The following SORBS2 variants were observed in gnomAD, a reference collection of about 807,000 sequenced individuals.
SORBS2 encodes sorbin and SH3 domain containing 2.
SORBS2 carries 46 observed loss-of-function variants against 97.7 expected under a neutral mutation model. That is an observed-to-expected ratio of 0.47 (90% CI 0.37 to 0.60). SORBS2 has a LOEUF of 0.60. SORBS2 is among the 20% of genes least tolerant of loss of function. The probability of loss-of-function intolerance (pLI) is 0.00; values close to 1 mark genes in which losing one functional copy is unlikely to be tolerated. For missense variants in SORBS2, 1,316 were observed against 1,282.3 expected, an observed-to-expected ratio of 1.03 and a Z score of -0.40; for synonymous variants, 476 against 473.4, an observed-to-expected ratio of 1.01 and a Z score of -0.07.
intron 2 of SORBS2, among the ~76,000 whole-genome samples, chr4:185,685,421 C>T (rs1245982224): frequency 6.6e-6 from 1 of 152,132 alleles, no homozygotes; most frequent in African/African-American, 2.4e-5. Context: ...GTCCACTCTT[C>T]CTGTAGTTAG....
upstream of SORBS2, among the ~76,000 whole-genome samples, chr4:185,661,293 TA>T (rs2097515960): frequency 6.9e-6 from 1 of 145,858 alleles, no homozygotes; most frequent in East Asian, 2.1e-4. Flanking sequence ...AAAAAAAAAG[TA>T]TTTATCACAT....
At chr4:185,851,248 G>A (rs550316850) in intron 1 of SORBS2, among the ~76,000 whole-genome samples, 5 of 151,994 alleles carry the variant, frequency 3.3e-5, no homozygotes, top group East Asian at 3.9e-4. Context: ...TGTTAAACTC[G>A]GAAAACCTGT....
intron 1 of SORBS2, among the ~76,000 whole-genome samples, chr4:185,807,852 A>C (rs570063874): frequency 7.2e-5 from 11 of 152,352 alleles, no homozygotes; most frequent in Non-Finnish European, 1.5e-4. Context: ...TATCTAATGC[A>C]ATCATATATC....
chr4:185,898,754 CT>C (rs1324059454), intron 1 of SORBS2, among the ~76,000 whole-genome samples: 2 of 152,130 alleles, frequency 1.3e-5, no homozygotes, highest in Non-Finnish European at 2.9e-5. Flanking sequence ...ATACCCAAAT[CT>C]TTAGAAAAAG....
At chr4:185,645,491 T>G (rs1243391910) in intron 4 of SORBS2, 1 of 152,150 alleles carries the variant, frequency 6.6e-6, no homozygotes, top group African/African-American at 2.4e-5. Context: ...ACAAATATCA[T>G]GTATGAATTA....
In SORBS2 at chr4:185,684,854, CA is replaced by C. The variant is rs764915941; in HGVS notation, c.-197-6033del. 2 of 1,548,826 alleles carry C rather than the reference CA, an allele frequency of 1.3e-6. No homozygotes were observed. Among genetic ancestry groups the C allele is most frequent in the Non-Finnish European group, 1.7e-6 (2 of 1,145,738 alleles). ...GAGCACACCCACCGCTATCTGGAAG[CA>C]AAAAAATGATATAGCAGAGGCCAAG... On this transcript the variant is annotated intron_variant, in intron 2 of 20. Coordinates refer to the SORBS2 transcript ENST00000284776. This position sits in a 1 kb window ranked among gnomAD's most constrained non-coding sequence, Gnocchi z 4.2.
At chr4:185,723,194 G>A (rs1248635818) in intron 2 of SORBS2, among the ~76,000 whole-genome samples, 2 of 151,898 alleles carry the variant, frequency 1.3e-5, no homozygotes, top group Non-Finnish European at 1.5e-5. Context: ...ATCGTATTTG[G>A]GGCACAACTC....
chr4:185,859,577 C>G (rs934912614), intron 1 of SORBS2, among the ~76,000 whole-genome samples: 9 of 152,178 alleles, frequency 5.9e-5, no homozygotes, highest in Admixed American at 3.3e-4. Context: ...TGACCACTCT[C>G]TCTTGTTTGG....
rs187749591 is a variant in SORBS2 at position 185,706,071 on chromosome 4, T to C, written c.-197-27249A>G. The stretch of plus-strand genomic sequence containing the variant: ...GATGATTTTGTTTGAGTCTGAAGTG[T>C]ATTTTAAGAAGTTATTTAGGTTTCC... On this transcript the variant is annotated intron_variant, in intron 2 of 20. Transcript: ENST00000284776. 3.5e-3 allele frequency among the ~76,000 whole-genome samples: 527 copies of C among 152,308 alleles called. 1 individual carries two copies. Among genetic ancestry groups the C allele is most frequent in the Non-Finnish European group, 5.3e-3 (362 of 68,016 alleles).
intron 1 of SORBS2, among the ~76,000 whole-genome samples, chr4:185,871,765 C>T (rs927482653): frequency 3.9e-5 from 6 of 152,170 alleles, no homozygotes; most frequent in African/African-American, 1.4e-4. Context: ...GGAAATACAC[C>T]TGTTCCCTAA....
At chr4:185,598,021 ACTAT>A (rs2096155939) in intron 12 of SORBS2, among the ~76,000 whole-genome samples, 1 of 152,096 alleles carries the variant, frequency 6.6e-6, no homozygotes, top group Non-Finnish European at 1.5e-5. Context: ...TTCTATTTTG[ACTAT>A]CTGTGCAGGC....
intron 1 of SORBS2, among the ~76,000 whole-genome samples, chr4:185,795,798 C>T (rs1479980092): frequency 5.3e-5 from 8 of 152,166 alleles, no homozygotes; most frequent in African/African-American, 1.2e-4. Flanking sequence ...AAGTGTTCCA[C>T]CTATATCTCC....
intron 2 of SORBS2, among the ~76,000 whole-genome samples, chr4:185,687,419 A>G (rs1217987980): frequency 6.6e-6 from 1 of 152,256 alleles, no homozygotes; most frequent in East Asian, 1.9e-4. Flanking sequence ...CAACAGGCAC[A>G]CACATAATAT....
In SORBS2 at chr4:185,607,425, G is replaced by A. The variant is rs1001805041; in HGVS notation, c.2796+4355C>T. ...TAATAATAATGCATCAAAACATAGCGATGGAGAAATGCAGAAAAGATGCGG... is the reference window on the plus strand; with the variant it reads ...TAATAATAATGCATCAAAACATAGCAATGGAGAAATGCAGAAAAGATGCGG... On this transcript the variant is annotated intron_variant, in intron 12 of 14. Transcript: ENST00000418609. This position sits in a 1 kb window ranked among gnomAD's most constrained non-coding sequence, Gnocchi z 5.2. 1.7e-5 allele frequency: 13 copies of A among 760,460 alleles called. No homozygotes were observed. The highest frequency in any genetic ancestry group is 7.5e-5 in the South Asian group (5 of 66,482). The allele number at this position is 760,460 out of a possible 1,614,324, so 47.1% of individuals were successfully genotyped here. A position where few individuals can be genotyped will look rare whatever the true frequency, so the allele number is the denominator to read the frequency against.
intron 4 of SORBS2, among the ~76,000 whole-genome samples, chr4:185,668,017 C>T (rs1009221018): frequency 7.2e-5 from 11 of 152,106 alleles, no homozygotes; most frequent in East Asian, 1.9e-4. Flanking sequence ...CCATGTAATA[C>T]GAATCTCTTT....
chr4:185,611,926 T>A (rs781591855), exon 12 of SORBS2: 2 of 1,613,854 alleles, frequency 1.2e-6, no homozygotes, highest in Non-Finnish European at 1.7e-6. Context: ...GTTCCTGGGA[T>A]TTTACCTTCA....
At chr4:185,953,808 G>A (rs1287294569) in intron 1 of SORBS2, among the ~76,000 whole-genome samples, 1 of 152,180 alleles carries the variant, frequency 6.6e-6, no homozygotes, top group African/African-American at 2.4e-5. Flanking sequence ...TAATTATGTG[G>A]ATTTCTTGCA....
At chr4:185,844,412 C>T (rs2099213341) in intron 1 of SORBS2, among the ~76,000 whole-genome samples, 1 of 152,068 alleles carries the variant, frequency 6.6e-6, no homozygotes, top group Admixed American at 6.6e-5. Flanking sequence ...TAAGAGAGCA[C>T]TTCACACCCA....
At chr4:185,589,974 A>G (rs930707583) in intron 13 of SORBS2, 189 bp from the exon 26 acceptor site, 1 of 474,144 alleles carries the variant, frequency 2.1e-6, no homozygotes, top group East Asian at 3.3e-5. Flanking sequence ...GGTACATAGC[A>G]ATATGTAGAT....
Sources: gnomAD v4.1 joint callset for allele counts (sites outside exome capture counted in the v4.1 genomes callset) on GRCh38, gnomAD v4.1.1 for gene constraint, Gnocchi (gnomAD v3.1) non-coding constraint, MANE v1.5 for transcripts, NCBI Gene and HGNC (gene_info 2026-07-23, HGNC 2026-07-21) for gene names.